The following ZDHHC14 variants were observed in gnomAD, a reference collection of about 807,000 sequenced individuals.
ZDHHC14 encodes palmitoyltransferase ZDHHC14.
In ZDHHC14, 16 loss-of-function variants were observed where a neutral mutation model predicts 47.7. That is an observed-to-expected ratio of 0.34 (90% CI 0.23 to 0.51). The LOEUF is 0.51. Among genes scored for constraint, ZDHHC14 ranks in the 20% least tolerant of loss-of-function variants. ZDHHC14 has a pLI of 0.97. For synonymous variants in ZDHHC14, 293 were observed against 278.9 expected (o/e 1.05, Z -0.50); for missense variants, 515 against 662.5 (o/e 0.78, Z 2.44).
chr6:157,400,205 A>G lies in ZDHHC14; in HGVS notation c.245+17939A>G, dbSNP rs527800954. ...GGAGGTCCCACTCACAGACAGTGGG[A>G]CAGAGGGATAGAGCCACACCACCAG... On this transcript the variant is annotated intron_variant, in intron 1 of 8. Transcript: ENST00000359775. Among the ~76,000 whole-genome samples, 610 of 152,234 alleles carry G rather than the reference A, an allele frequency of 4.0e-3. 3 individuals are homozygous for G. Among genetic ancestry groups the G allele is most frequent in the African/African-American group, 0.014 (583 of 41,528 alleles).
At chr6:157,590,679 C>T (rs1298468258) in intron 2 of ZDHHC14, among the ~76,000 whole-genome samples, 1 of 152,162 alleles carries the variant, frequency 6.6e-6, no homozygotes, top group Non-Finnish European at 1.5e-5. Context: ...GGGGTCAGAG[C>T]CCCCACATAG....
At chr6:157,512,648 G>T (rs1227887182) in intron 1 of ZDHHC14, among the ~76,000 whole-genome samples, 1 of 152,088 alleles carries the variant, frequency 6.6e-6, no homozygotes, top group Non-Finnish European at 1.5e-5. Context: ...TTCAAGACCT[G>T]CCTGGGCAAC....
intron 1 of ZDHHC14, among the ~76,000 whole-genome samples, chr6:157,461,277 CT>C (rs1171421510): frequency 6.6e-6 from 1 of 152,186 alleles, no homozygotes; most frequent in East Asian, 1.9e-4. Flanking sequence ...GGAAAGATGC[CT>C]TTGAAAGGCC....
At chr6:157,504,707 G>A (rs531763302) in intron 1 of ZDHHC14, among the ~76,000 whole-genome samples, 4 of 151,994 alleles carry the variant, frequency 2.6e-5, no homozygotes, top group African/African-American at 4.8e-5. Flanking sequence ...CACCGCGCCC[G>A]GCCTGCATGG....
rs543502875 is a variant in ZDHHC14, at chr6:157,645,626, G to A, written c.753-111G>A. ...CAAGGCAAGGCCGGGTGAGAGAGAGGCCAGCAACTAGAGAGAGGCCTGTGC... is the reference window on the plus strand; with the variant it reads ...CAAGGCAAGGCCGGGTGAGAGAGAGACCAGCAACTAGAGAGAGGCCTGTGC... On this transcript the variant is annotated intron_variant, in intron 5 of 8. Coordinates refer to ENST00000359775, the MANE Select transcript of ZDHHC14 (RefSeq NM_024630.3). 1.4e-5 allele frequency: 11 copies of A among 777,136 alleles called. No homozygotes were observed. In the East Asian group the frequency reaches 3.1e-4, roughly 22 times the overall value. 48.1% of individuals were successfully genotyped at this position (777,136 alleles called of 1,614,324 possible).
intron 3 of ZDHHC14, among the ~76,000 whole-genome samples, chr6:157,602,072 C>T (rs1784357429): frequency 6.6e-6 from 1 of 151,958 alleles, no homozygotes; most frequent in African/African-American, 2.4e-5. Flanking sequence ...CATGGTAGCA[C>T]ACCCCTGTAA....
intron 2 of ZDHHC14, among the ~76,000 whole-genome samples, chr6:157,543,555 C>G (rs1478174718): frequency 6.6e-6 from 1 of 152,176 alleles, no homozygotes; most frequent in East Asian, 1.9e-4. Flanking sequence ...TATGGACTTT[C>G]CTTTGCAGCC....
intron 3 of ZDHHC14, 34 bp downstream of exon 3, chr6:157,593,180 CCG>C: frequency 6.3e-7 from 1 of 1,582,534 alleles, no homozygotes; most frequent in Non-Finnish European, 8.6e-7. Context: ...TGGCGGGAGC[CCG>C]GGTCCTCCGG....
intron 1 of ZDHHC14, among the ~76,000 whole-genome samples, chr6:157,496,684 C>T (rs867640356): frequency 2.0e-5 from 3 of 152,110 alleles, no homozygotes; most frequent in Admixed American, 2.0e-4. Context: ...AAGGAAGGAC[C>T]CTCCCCTACA....
intron 8 of ZDHHC14, among the ~76,000 whole-genome samples, chr6:157,665,887 G>A (rs1261914431): frequency 6.6e-6 from 1 of 152,148 alleles, no homozygotes; most frequent in Non-Finnish European, 1.5e-5. Context: ...AATGTGATGG[G>A]TGTGACCACA....
intron 1 of ZDHHC14, among the ~76,000 whole-genome samples, chr6:157,518,925 C>A (rs558461549): frequency 6.6e-6 from 1 of 152,222 alleles, no homozygotes; most frequent in Non-Finnish European, 1.5e-5. Flanking sequence ...ACAAGCCATA[C>A]GGCGGCCAGC....
rs1783555085 is a variant in ZDHHC14, at chr6:157,582,571, C to T, written c.407-10417C>T. Among the ~76,000 whole-genome samples the T allele has an allele frequency of 6.6e-6, 1 of 152,200 alleles. No individual in the cohort carries two copies. The highest frequency in any genetic ancestry group is 1.5e-5 in the Non-Finnish European group (1 of 68,032). On this transcript the variant is annotated intron_variant, in intron 2 of 8. Coordinates refer to ENST00000359775, the MANE Select transcript of ZDHHC14 (RefSeq NM_024630.3). The surrounding 1 kb of genome is among the most constrained non-coding windows in gnomAD (Gnocchi z 4.3). The stretch of plus-strand genomic sequence containing the variant: ...CTGAATATAGCCTGATCTCTTCTGG[C>T]TTTTAGGGCTTCTGCTGAAAGATCT...
intron 7 of ZDHHC14, among the ~76,000 whole-genome samples, chr6:157,648,402 C>T (rs1777662170): frequency 6.6e-6 from 1 of 151,962 alleles, no homozygotes; most frequent in Admixed American, 6.6e-5. Flanking sequence ...GATTATCAGC[C>T]TCAGTGAATC....
chr6:157,612,287 A>G (rs1329405533), intron 3 of ZDHHC14, among the ~76,000 whole-genome samples: 2 of 151,816 alleles, frequency 1.3e-5, no homozygotes, highest in Non-Finnish European at 2.9e-5. Flanking sequence ...CCCACCATCC[A>G]CTCTGCTCCT....
intron 2 of ZDHHC14, among the ~76,000 whole-genome samples, chr6:157,579,374 T>C (rs368914299): frequency 6.6e-6 from 1 of 151,948 alleles, no homozygotes; most frequent in Non-Finnish European, 1.5e-5. Context: ...ATTTTTTGTA[T>C]TTTTAGTAGA....
chr6:157,526,121 G>A (rs929449667), intron 1 of ZDHHC14, among the ~76,000 whole-genome samples: 2 of 152,160 alleles, frequency 1.3e-5, no homozygotes, highest in Non-Finnish European at 2.9e-5. Context: ...CAGAAATCCA[G>A]GTGAGTACAA....
chr6:157,613,682 A>G (rs1784839653), intron 3 of ZDHHC14, among the ~76,000 whole-genome samples: 1 of 152,168 alleles, frequency 6.6e-6, no homozygotes, highest in African/African-American at 2.4e-5. Context: ...TTGGAGCAGT[A>G]GGCAGCCCAT....
intron 1 of ZDHHC14, among the ~76,000 whole-genome samples, chr6:157,531,155 G>A (rs1015530537): frequency 6.6e-6 from 1 of 152,058 alleles, no homozygotes; most frequent in African/African-American, 2.4e-5. Context: ...GCCACCAAAC[G>A]TGGACCCAGA....
rs551273584 is a variant in ZDHHC14 at position 157,675,425 on chromosome 6, C to G, written c.*2303C>G. ...ATTATCAATTTCCCCACCTCCAACC[C>G]TGTCCCTGGCACACACTTGGCATCA... On this transcript the variant is annotated 3_prime_UTR_variant, in exon 9 of 9. Coordinates refer to ENST00000359775, the MANE Select transcript of ZDHHC14 (RefSeq NM_024630.3). The G allele has an allele frequency of 3.3e-5, 5 of 152,348 alleles. No homozygotes were observed. The South Asian group carries it at 1.0e-3, about 32-fold the overall frequency. The allele number at this position is 152,348 out of a possible 1,614,324, so 9.4% of individuals were successfully genotyped here.
Sources: gnomAD v4.1 joint callset for allele counts (sites outside exome capture counted in the v4.1 genomes callset) on GRCh38, gnomAD v4.1.1 for gene constraint, Gnocchi (gnomAD v3.1) non-coding constraint, MANE v1.5 for transcripts, NCBI Gene and HGNC (gene_info 2026-07-23, HGNC 2026-07-21) for gene names.